The following EPS8L1 variants were observed in gnomAD, a reference collection of about 807,000 sequenced individuals.
EPS8L1 encodes EPS8 signaling adaptor L1, also known as epidermal growth factor receptor kinase substrate 8-like protein 1.
EPS8L1 carries 101 observed loss-of-function variants against 91.7 expected under a neutral mutation model. The observed-to-expected ratio is 1.10, with a 90% CI of 0.94 to 1.30. EPS8L1 has a LOEUF of 1.30. Ranked by LOEUF, EPS8L1 falls within the 50% of genes most tolerant of loss-of-function variation. The pLI is 0.00. For missense variants in EPS8L1, 1,114 were observed against 1,017.0 expected, an observed-to-expected ratio of 1.10 and a Z score of -1.30; for synonymous variants, 506 against 445.3, an observed-to-expected ratio of 1.14 and a Z score of -1.72.
In EPS8L1 at chr19:55,086,471, G is replaced by A. The variant is rs1196200529; in HGVS notation, c.1730G>A (p.Arg577His). ...GCTCGGCCCCGCTGGGACAGGCCCC[G>A]CTGGGACAGCTGCGATAGCCTCAAC... ...ALARPRWDRP[R>H]WDSCDSLNGL... Residue 577 changes from arginine (R) to histidine (H), a missense_variant, in exon 17 of 20, where the codon CGC (arginine) becomes CAC (histidine). By Grantham distance (29) the Arg-to-His change is conservative. Coordinates refer to ENST00000201647, the MANE Select transcript of EPS8L1 (RefSeq NM_133180.3). The A allele has an allele frequency of 2.2e-5, 34 of 1,551,772 alleles. No homozygotes were observed. Among genetic ancestry groups the A allele is most frequent in the African/African-American group, 1.2e-4 (9 of 73,086 alleles).
In EPS8L1 at chr19:55,080,830, GGGA is replaced by G. The variant is rs1213312825; in HGVS notation, c.490_492del (p.Glu164del). ...CTGCACAATTACCGCTCGGGCCGCGGGGAGCGCAGGGCGGCGGCGCTCAGGTGA... is the reference window on the plus strand; with the variant it reads ...CTGCACAATTACCGCTCGGGCCGCGGGCGCAGGGCGGCGGCGCTCAGGTGA... On this transcript the variant is annotated inframe_deletion, in exon 7 of 20. Coordinates refer to ENST00000201647, the MANE Select transcript of EPS8L1 (RefSeq NM_133180.3). 6.2e-7 allele frequency: 1 copy of G among 1,611,534 alleles called. No individual in the cohort carries two copies.
Position 55,086,743 on chromosome 19 carries a change from G to T in EPS8L1, c.1807G>T (p.Glu603Ter). The T allele has an allele frequency of 6.2e-7, 1 of 1,606,086 alleles. No individual in the cohort carries two copies. The highest frequency in any genetic ancestry group is 8.5e-7 in the Non-Finnish European group (1 of 1,176,386). The change falls in exon 18 of 20, where the codon GAG (glutamate) becomes TAG (stop). Residue 603 changes from glutamate to a stop codon, truncating the protein, a stop_gained. Transcript: ENST00000201647. LOFTEE classifies it high-confidence loss of function. ...ATTCTCCCAGATGCTCATCGTCAACGAGGAACTGCAGGCGCGCCTGGCCCA... is the reference window on the plus strand; with the variant it reads ...ATTCTCCCAGATGCTCATCGTCAACTAGGAACTGCAGGCGCGCCTGGCCCA... Reference protein sequence around the residue: ...EKFSQMLIVNEELQARLAQGR... With the variant: ...EKFSQMLIVN
At chr19:55,082,422 G>A in intron 11 of EPS8L1, 32 bp from the exon 12 acceptor site, 2 of 1,611,246 alleles carry the variant, frequency 1.2e-6, no homozygotes, top group Non-Finnish European at 1.7e-6. Context: ...AAGGTGTGGC[G>A]GCACAGCCTG....
At chr19:55,085,510 C>T (rs61083815) in intron 14 of EPS8L1, among the ~76,000 whole-genome samples, 1 of 152,216 alleles carries the variant, frequency 6.6e-6, no homozygotes, top group East Asian at 1.9e-4. Context: ...ATATAAAGCC[C>T]AGTGCCTATT....
Position 55,081,124 on chromosome 19 carries a change from C to A in EPS8L1, c.513-107C>A. 1 of 1,343,938 alleles carries A rather than the reference C, an allele frequency of 7.4e-7. No homozygotes were observed. Among genetic ancestry groups the A allele is most frequent in the Non-Finnish European group, 9.8e-7 (1 of 1,018,142 alleles). 83.3% of individuals were successfully genotyped at this position (1,343,938 alleles called of 1,614,324 possible). A position where few individuals can be genotyped will look rare whatever the true frequency, so the allele number is the denominator to read the frequency against. On this transcript the variant is annotated intron_variant, in intron 7 of 19. Transcript: ENST00000201647. This position sits in a 1 kb window ranked among gnomAD's most constrained non-coding sequence, Gnocchi z 4.9. ...CTCCCTACCTCGTTGAACTTGTTCA[C>A]TCCCTTTGAGCCTTTTGAGCCTGTG... is the stretch of plus-strand genomic sequence containing the variant.
chr19:55,081,267 C>A lies in EPS8L1; in HGVS notation c.549C>A (p.Pro183=), dbSNP rs1234867777. Residue 183 remains proline, a synonymous_variant, in exon 8 of 20, where the codon CCC becomes CCA. Coordinates refer to ENST00000201647, the MANE Select transcript of EPS8L1 (RefSeq NM_133180.3). This position sits in a 1 kb window ranked among gnomAD's most constrained non-coding sequence, Gnocchi z 4.9. ...TQEELQRDRS[P]AAETPPLQRR... The stretch of plus-strand genomic sequence containing the variant: ...AGGAGTTGCAGCGCGACCGCTCGCC[C>A]GCCGCTGAGACCCCGCCCCTGCAGC... 2 of 1,529,806 alleles carry A rather than the reference C, an allele frequency of 1.3e-6. No individual in the cohort carries two copies. The highest frequency in any genetic ancestry group is 8.7e-7 in the Non-Finnish European group (1 of 1,148,132). The allele number at this position is 1,529,806 out of a possible 1,614,324, so 94.8% of individuals were successfully genotyped here. A position where few individuals can be genotyped will look rare whatever the true frequency, so the allele number is the denominator to read the frequency against.
chr19:55,087,113 G>C (rs1172189166), intron 18 of EPS8L1, 190 bp from the exon 19 acceptor site: 3 of 1,092,706 alleles, frequency 2.7e-6, no homozygotes, highest in South Asian at 3.3e-5. Context: ...CCCTTTGAAA[G>C]CAGGATGCGG....
At position 55,083,708 on chromosome 19, in the gene EPS8L1, T is replaced by A; in HGVS notation, c.1385+64T>A. ...AGGGGTGCGTCCCGGGGGCTCCCGATGCTGACTCCGCCCCCTTTTTTTCTG... is the reference window on the plus strand; with the variant it reads ...AGGGGTGCGTCCCGGGGGCTCCCGAAGCTGACTCCGCCCCCTTTTTTTCTG... On this transcript the variant is annotated intron_variant, in intron 14 of 19. Coordinates refer to ENST00000201647, the MANE Select transcript of EPS8L1 (RefSeq NM_133180.3). This position sits in a 1 kb window ranked among gnomAD's most constrained non-coding sequence, Gnocchi z 4.7. 1 of 1,555,922 alleles carries A rather than the reference T, an allele frequency of 6.4e-7. No homozygotes were observed.
In EPS8L1 at chr19:55,087,839, C is replaced by T. The variant is rs1228265270; in HGVS notation, c.*225C>T. 1.9e-6 allele frequency: 1 copy of T among 529,842 alleles called. No homozygotes were observed. Among genetic ancestry groups the T allele is most frequent in the Admixed American group, 3.2e-5 (1 of 31,158 alleles). The allele number at this position is 529,842 out of a possible 1,614,324, so 32.8% of individuals were successfully genotyped here. On this transcript the variant is annotated 3_prime_UTR_variant, in exon 20 of 20. Coordinates refer to ENST00000201647, the MANE Select transcript of EPS8L1 (RefSeq NM_133180.3). ...GGGCGTGGAGACAGTCTACGGAAAG[C>T]GCTAGCAGACCCCCGAGAGGGTGCA... is the stretch of plus-strand genomic sequence containing the variant.
Position 55,079,032 on chromosome 19 carries a change from C to G in EPS8L1, c.92C>G (p.Ala31Gly). Residue 31 changes from alanine (A) to glycine (G), a missense_variant, in exon 4 of 20, where the codon GCT becomes GGT. Physicochemically the swap from Ala to Gly is moderately conservative, Grantham distance 60. Transcript: ENST00000201647. ...AAGCGTTACTCCACAGTTGTTATGG[C>G]TGATGTATCCCAGTACCCAGTCAAT... ...QRKRYSTVVM[A>G]DVSQYPVNHL... The G allele has an allele frequency of 1.2e-6, 2 of 1,614,046 alleles. No homozygotes were observed. Among genetic ancestry groups the G allele is most frequent in the South Asian group, 2.2e-5 (2 of 91,088 alleles).
chr19:55,082,567 C>T lies in EPS8L1; in HGVS notation c.1179C>T (p.Leu393=), dbSNP rs1195571670. The stretch of plus-strand genomic sequence containing the variant: ...ACGTCACTCCACGTGAAAACGAGCT[C>T]TGGACCTCGCTGGGGGACTCGTGGA... ...RDNVTPRENE[L]WTSLGDSWTR... is the part of the protein sequence containing the mutation. Residue 393 remains leucine (L), a synonymous_variant, in exon 12 of 20, where the codon CTC becomes CTT. Coordinates refer to ENST00000201647, the MANE Select transcript of EPS8L1 (RefSeq NM_133180.3). 1 of 1,582,098 alleles carries T rather than the reference C, an allele frequency of 6.3e-7. No individual in the cohort carries two copies. The highest frequency in any genetic ancestry group is 1.8e-5 in the Admixed American group (1 of 55,182).
rs1198261484 is a variant in EPS8L1 at position 55,081,763 on chromosome 19, T to G, written c.775-10T>G. On this transcript the variant is annotated splice_polypyrimidine_tract_variant and intron_variant, in intron 8 of 19. Transcript: ENST00000201647. This position sits in a 1 kb window ranked among gnomAD's most constrained non-coding sequence, Gnocchi z 4.9. ...GGGAGCCCTGAGCGTCCCCCTCCTCTGTCCCCTAGGACATCCTGAACCACG... is the reference window on the plus strand; with the variant it reads ...GGGAGCCCTGAGCGTCCCCCTCCTCGGTCCCCTAGGACATCCTGAACCACG... The G allele has an allele frequency of 6.2e-7, 1 of 1,600,130 alleles. No homozygotes were observed. The highest frequency in any genetic ancestry group is 1.3e-5 in the African/African-American group (1 of 74,344).
At chr19:55,077,988 C>G in intron 2 of EPS8L1, 100 bp from the exon 3 acceptor site, 2 of 763,496 alleles carry the variant, frequency 2.6e-6, no homozygotes, top group Non-Finnish European at 4.3e-6. Flanking sequence ...TCCATCGCTC[C>G]CCATTACCTT....
chr19:55,081,552 C>A lies in EPS8L1; in HGVS notation c.774+60C>A, dbSNP rs967164650. ...CAGGCGACTGGAGGCGGGGCTAGGG[C>A]GTGGAAGGGCGGGGCCGGCTGCGGG... On this transcript the variant is annotated intron_variant, in intron 8 of 19. Coordinates refer to ENST00000201647, the MANE Select transcript of EPS8L1 (RefSeq NM_133180.3). The surrounding 1 kb of genome is among the most constrained non-coding windows in gnomAD (Gnocchi z 4.9). The A allele has an allele frequency of 1.4e-6, 2 of 1,425,288 alleles. No homozygotes were observed. Among genetic ancestry groups the A allele is most frequent in the South Asian group, 1.7e-5 (1 of 59,850 alleles). 88.3% of individuals were successfully genotyped at this position (1,425,288 alleles called of 1,614,324 possible).
rs998402164 is a variant in EPS8L1 at position 55,083,036 on chromosome 19, A to G, written c.1215-342A>G. On this transcript the variant is annotated intron_variant, in intron 12 of 19. Coordinates refer to ENST00000201647, the MANE Select transcript of EPS8L1 (RefSeq NM_133180.3). This position sits in a 1 kb window ranked among gnomAD's most constrained non-coding sequence, Gnocchi z 4.7. Reference sequence around the variant, plus strand: ...GGAAAACCTGATTTGGAATCAGGTGAGATTTAGAGGCTGGATAAGGCAATT... The same window carrying G: ...GGAAAACCTGATTTGGAATCAGGTGGGATTTAGAGGCTGGATAAGGCAATT... Among the ~76,000 whole-genome samples, 2 of 152,082 alleles carry G rather than the reference A, an allele frequency of 1.3e-5. No homozygotes were observed. Among genetic ancestry groups the G allele is most frequent in the African/African-American group, 4.8e-5 (2 of 41,422 alleles).
chr19:55,086,636 C>CCCCCCCCCCCCCCCCCAGGGCCCCCGG, intron 17 of EPS8L1, 78 bp from the exon 18 acceptor site: 5 of 956,954 alleles, frequency 5.2e-6, no homozygotes, highest in Non-Finnish European at 7.1e-6. Context: ...CGCTGGAGCG[C>CCCCCCCCCCCCCCCCCAGGGCCCCCGG]CCCCCCGCCC....
At chr19:55,084,048 G>A (rs979994587) in intron 14 of EPS8L1, 2 of 410,338 alleles carry the variant, frequency 4.9e-6, no homozygotes, top group East Asian at 1.0e-4. Flanking sequence ...GGGAGAGGCT[G>A]GGGAATTGGA....
At chr19:55,078,219 G>C in intron 3 of EPS8L1, 91 bp downstream of exon 3, 1 of 1,141,568 alleles carries the variant, frequency 8.8e-7, no homozygotes, top group Middle Eastern at 2.1e-4. Flanking sequence ...GGAGGGGCTG[G>C]GGGTCTGGAC....
Position 55,087,548 on chromosome 19 carries a change from G to A in EPS8L1, c.2106G>A (p.Glu702=), listed in dbSNP as rs140687106. 6.2e-7 allele frequency: 1 copy of A among 1,614,234 alleles called. No individual in the cohort carries two copies. Among genetic ancestry groups the A allele is most frequent in the Non-Finnish European group, 8.5e-7 (1 of 1,180,044 alleles). The change falls in exon 20 of 20, where the codon GAG becomes GAA. Residue 702 remains glutamate (E), a synonymous_variant. Coordinates refer to ENST00000201647, the MANE Select transcript of EPS8L1 (RefSeq NM_133180.3). ...TCCAGGACAAAGAGAAAGTGTCAGA[G>A]CTGGAGGCAGTGATGGAGAAGCAAA... The part of the protein sequence containing the change: ...SLLEDKEKVS[E]LEAVMEKQKK...
Sources: allele counts gnomAD v4.1 joint callset (sites outside exome capture counted in the v4.1 genomes callset), GRCh38; gene constraint gnomAD v4.1.1; non-coding constraint Gnocchi (gnomAD v3.1); transcripts MANE v1.5; gene names NCBI Gene and HGNC (gene_info 2026-07-23, HGNC 2026-07-21).